The following LYST variants were observed in gnomAD, a reference collection of about 807,000 sequenced individuals.
LYST encodes lysosomal trafficking regulator.
A neutral mutation model predicts 413.6 loss-of-function variants in LYST; 192 were observed. The ratio of observed to expected loss-of-function variants is 0.46; its 90% CI spans 0.41 to 0.52. The LOEUF (loss-of-function observed/expected upper bound fraction) is 0.52, where lower values mean the gene tolerates loss of function less well. Among genes scored for constraint, LYST ranks in the 20% least tolerant of loss-of-function variants. LYST has a pLI of 0.00. For missense variants in LYST, 3,815 were observed against 4,499.9 expected, an observed-to-expected ratio of 0.85 and a Z score of 4.35; for synonymous variants, 1,525 against 1,567.3, an observed-to-expected ratio of 0.97 and a Z score of 0.64.
At chr1:235,863,349 G>A (rs1229467573) in intron 1 of LYST, among the ~76,000 whole-genome samples, 3 of 151,600 alleles carry the variant, frequency 2.0e-5, no homozygotes, top group Non-Finnish European at 2.9e-5. Flanking sequence ...CCAAGATCTC[G>A]CCTCTACACT....
chr1:235,759,644 T>C, intron 22 of LYST, 45 bp from the exon 23 acceptor site: 1 of 1,390,412 alleles, frequency 7.2e-7, no homozygotes, highest in Non-Finnish European at 1.0e-6. Context: ...ATCTATTAAG[T>C]GGAACCACCT....
At chr1:235,872,674 T>A (rs2103229729) in intron 1 of LYST, among the ~76,000 whole-genome samples, 1 of 152,158 alleles carries the variant, frequency 6.6e-6, no homozygotes, top group East Asian at 1.9e-4. Flanking sequence ...TAATCCCAGC[T>A]CTTTGAGAGG....
At chr1:235,706,001 C>T (rs1661956362) in intron 44 of LYST, among the ~76,000 whole-genome samples, 1 of 152,098 alleles carries the variant, frequency 6.6e-6, no homozygotes, top group Non-Finnish European at 1.5e-5. Flanking sequence ...CCATGTTGGC[C>T]AGGCTGGTCT....
At chr1:235,728,478 T>C (rs544650456) in intron 37 of LYST, among the ~76,000 whole-genome samples, 1 of 152,224 alleles carries the variant, frequency 6.6e-6, no homozygotes, top group Non-Finnish European at 1.5e-5. Flanking sequence ...TACTAGCATA[T>C]AGATTTGCTT....
chr1:235,691,404 G>A (rs1660641988), intron 47 of LYST, among the ~76,000 whole-genome samples: 1 of 152,176 alleles, frequency 6.6e-6, no homozygotes, highest in African/African-American at 2.4e-5. Context: ...AGATCACAGG[G>A]CTTTAGGCCC....
In LYST at chr1:235,773,835, T is replaced by C. The variant is rs761636460; in HGVS notation, c.5784+7A>G. 1 of 1,609,848 alleles carries C rather than the reference T, an allele frequency of 6.2e-7. No individual in the cohort carries two copies. The highest frequency in any genetic ancestry group is 1.1e-5 in the South Asian group (1 of 90,990). ...TAAAAAATGGAAAAAAAGTACATAT[T>C]ACATGCCTCTGCTTTACTCCATATC... is the stretch of plus-strand genomic sequence containing the variant. On this transcript the variant is annotated splice_region_variant and intron_variant, in intron 19 of 52. Coordinates refer to ENST00000389793, the MANE Select transcript of LYST (RefSeq NM_000081.4).
intron 48 of LYST, among the ~76,000 whole-genome samples, chr1:235,684,238 T>G (rs1660044106): frequency 6.6e-6 from 1 of 152,210 alleles, no homozygotes. Flanking sequence ...TAACCTTTTT[T>G]TTTTAAACCT....
intron 25 of LYST, among the ~76,000 whole-genome samples, chr1:235,753,651 A>G (rs1666708157): frequency 6.6e-6 from 1 of 152,170 alleles, no homozygotes; most frequent in Non-Finnish European, 1.5e-5. Context: ...GAGCTAGTAA[A>G]AAGAGGTCTA....
At chr1:235,717,435 G>A (rs1433900957) in intron 40 of LYST, among the ~76,000 whole-genome samples, 2 of 152,178 alleles carry the variant, frequency 1.3e-5, no homozygotes, top group Non-Finnish European at 2.9e-5. Flanking sequence ...ACCATTCCTT[G>A]AAGCAGGAGA....
In LYST at chr1:235,810,684, A is replaced by C; in HGVS notation, c.284-150T>G. The C allele has an allele frequency of 4.3e-6, 3 of 695,890 alleles. No individual in the cohort carries two copies. The South Asian group carries it at 5.3e-5, about 12-fold the overall frequency. 43.1% of individuals were successfully genotyped at this position (695,890 alleles called of 1,614,324 possible). A position where few individuals can be genotyped will look rare whatever the true frequency, so the allele number is the denominator to read the frequency against. On this transcript the variant is annotated intron_variant, in intron 4 of 52. Coordinates refer to ENST00000389793, the MANE Select transcript of LYST (RefSeq NM_000081.4). The stretch of plus-strand genomic sequence containing the variant: ...AGGGCTGATTTCCTTCATTTATGTC[A>C]TATCTCTGGGTTACCTCCTCTCACA...
At position 235,830,427 on chromosome 1, in the gene LYST, A is replaced by G; in HGVS notation, c.-7-3T>C. 6.3e-7 allele frequency: 1 copy of G among 1,598,908 alleles called. No homozygotes were observed. The highest frequency in any genetic ancestry group is 8.6e-7 in the Non-Finnish European group (1 of 1,169,320). ...TACTGTCGGTGCTCATGACCGAGCT[A>G]TAAAATAAGTATTACAAAAAAAAAA... On this transcript the variant is annotated splice_polypyrimidine_tract_variant and splice_region_variant and intron_variant, in intron 2 of 52. Coordinates refer to ENST00000389793, the MANE Select transcript of LYST (RefSeq NM_000081.4).
intron 3 of LYST, among the ~76,000 whole-genome samples, chr1:235,819,578 T>C (rs1674529811): frequency 6.6e-6 from 1 of 152,184 alleles, no homozygotes; most frequent in Admixed American, 6.5e-5. Context: ...AACAGGTCCA[T>C]TCCCTGCTAT....
rs1204807056 is a variant in LYST, at chr1:235,664,917, C to T, written c.11039-296G>A. On this transcript the variant is annotated intron_variant, in intron 50 of 52. Transcript: ENST00000389793. The surrounding 1 kb of genome is among the most constrained non-coding windows in gnomAD (Gnocchi z 4.5). Reference sequence around the variant, plus strand: ...CAAGAGATTCTTCTGCCTCAGCCTTCTAAGTTGCTGGGACAACAGGTGCAC... The same window carrying T: ...CAAGAGATTCTTCTGCCTCAGCCTTTTAAGTTGCTGGGACAACAGGTGCAC... Among the ~76,000 whole-genome samples the T allele has an allele frequency of 6.6e-6, 1 of 152,170 alleles. No homozygotes were observed. The highest frequency in any genetic ancestry group is 1.5e-5 in the Non-Finnish European group (1 of 68,030).
At chr1:235,797,337 C>A (rs1399354436) in intron 10 of LYST, among the ~76,000 whole-genome samples, 1 of 152,148 alleles carries the variant, frequency 6.6e-6, no homozygotes, top group African/African-American at 2.4e-5. Flanking sequence ...AGAGACCTGA[C>A]AAACACTACT....
At chr1:235,794,987 G>C (rs1387663247) in intron 10 of LYST, among the ~76,000 whole-genome samples, 1 of 152,080 alleles carries the variant, frequency 6.6e-6, no homozygotes, top group Non-Finnish European at 1.5e-5. Context: ...AAAAATATGT[G>C]GGGGCAGTGG....
chr1:235,736,615 T>C (rs1664842943), intron 31 of LYST: 2 of 152,056 alleles, frequency 1.3e-5, no homozygotes, highest in South Asian at 4.1e-4. Flanking sequence ...GCTTAAAAAA[T>C]CCAGGCACAT....
At chr1:235,715,401 C>T in intron 41 of LYST, 44 bp from the exon 42 acceptor site, 1 of 1,591,586 alleles carries the variant, frequency 6.3e-7, no homozygotes, top group Non-Finnish European at 8.6e-7. Context: ...TTGTGGGCTC[C>T]AGGCAACGCT....
intron 28 of LYST, 55 bp from the exon 29 acceptor site, chr1:235,746,582 A>G (rs1665950002): frequency 7.2e-7 from 1 of 1,393,484 alleles, no homozygotes; most frequent in Non-Finnish European, 1.0e-6. Flanking sequence ...AGGATCAAGG[A>G]AACTATTTTT....
intron 20 of LYST, among the ~76,000 whole-genome samples, chr1:235,768,230 G>T (rs1042986105): frequency 1.3e-5 from 2 of 151,774 alleles, no homozygotes; most frequent in East Asian, 3.9e-4. Context: ...TGTTTTTCTG[G>T]TCTCCCGGCT....
Sources: gnomAD v4.1 joint callset for allele counts (sites outside exome capture counted in the v4.1 genomes callset) on GRCh38, gnomAD v4.1.1 for gene constraint, Gnocchi (gnomAD v3.1) non-coding constraint, MANE v1.5 for transcripts, NCBI Gene and HGNC (gene_info 2026-07-23, HGNC 2026-07-21) for gene names.